Variants in PDE1C observed in about 807,000 individuals in gnomAD.
PDE1C encodes dual specificity calcium/calmodulin-dependent 3',5'-cyclic nucleotide phosphodiesterase 1C.
Under a neutral mutation model 93.1 loss-of-function variants are expected in PDE1C, and 62 were observed. The ratio of observed to expected loss-of-function variants is 0.67; its 90% CI spans 0.54 to 0.82. The LOEUF (loss-of-function observed/expected upper bound fraction) is 0.82. Among genes scored for constraint, PDE1C ranks in the 40% least tolerant of loss-of-function variants. The pLI is 0.00. For synonymous variants in PDE1C, 325 were observed against 310.1 expected (o/e 1.05, Z -0.50); for missense variants, 742 against 884.6 (o/e 0.84, Z 2.04).
At chr7:31,679,322 A>T in the PDE1C span, among the ~76,000 whole-genome samples, 1 of 152,202 alleles carries the variant, frequency 6.6e-6, no homozygotes, top group Non-Finnish European at 1.5e-5. Flanking sequence ...TAGTAATATG[A>T]GGCATGTAAT....
chr7:32,049,250 T>C (rs1020797630), intron 2 of PDE1C, among the ~76,000 whole-genome samples: 3 of 152,206 alleles, frequency 2.0e-5, no homozygotes, highest in East Asian at 1.9e-4. Context: ...GCTCTCACTA[T>C]ATTTAGAAAA....
At chr7:32,416,599 C>A (rs1395401048) in intron 1 of PDE1C, among the ~76,000 whole-genome samples, 1 of 152,144 alleles carries the variant, frequency 6.6e-6, no homozygotes, top group South Asian at 2.1e-4. Context: ...CCCTGCCACC[C>A]ACCCATTCCT....
chr7:32,078,172 T>C (rs963651083), intron 3 of PDE1C, among the ~76,000 whole-genome samples: 26 of 152,204 alleles, frequency 1.7e-4, no homozygotes, highest in African/African-American at 4.3e-4. Context: ...AATTTGAATA[T>C]GGAAAAACCT....
chr7:31,727,442 C>T, the PDE1C span, among the ~76,000 whole-genome samples: 1 of 152,206 alleles, frequency 6.6e-6, no homozygotes, highest in African/African-American at 2.4e-5. Context: ...AGTTATCCTT[C>T]AGGTTCTCCA....
At chr7:32,328,100 A>G (rs1409091164) in intron 1 of PDE1C, among the ~76,000 whole-genome samples, 1 of 152,180 alleles carries the variant, frequency 6.6e-6, no homozygotes, top group African/African-American at 2.4e-5. Flanking sequence ...TGATGTATAT[A>G]TTTATCTTTA....
rs1037007432 is a variant in PDE1C at position 31,751,895 on chromosome 7, C to A, written c.*1489G>T. ...CTCTTTACAATCAAGCCTGGAAGGT[C>A]GAGGCCATCCGGGAACAAACAGCTC... On this transcript the variant is annotated 3_prime_UTR_variant, in exon 18 of 18. Transcript: ENST00000396191. 1 of 152,132 alleles carries A rather than the reference C, an allele frequency of 6.6e-6. No individual in the cohort carries two copies. The highest frequency in any genetic ancestry group is 1.5e-5 in the Non-Finnish European group (1 of 68,050). The allele number at this position is 152,132 out of a possible 1,614,324, so 9.4% of individuals were successfully genotyped here.
At position 32,295,172 on chromosome 7, in the gene PDE1C, T is replaced by C. The variant is rs566032051; in HGVS notation, c.85+3479A>G. On this transcript the variant is annotated intron_variant, in intron 1 of 18. Coordinates refer to the PDE1C transcript ENST00000396193. ...CCCCACCCTGTCCCACATGCAGCAA[T>C]GGTCTCATCTCTTTCTGGTTTTGCT... Among the ~76,000 whole-genome samples, 14 of 152,318 alleles carry C rather than the reference T, an allele frequency of 9.2e-5. 1 individual carries two copies. The South Asian group carries it at 2.9e-3, about 32-fold the overall frequency.
At chr7:32,319,633 C>T (rs562480376) in intron 1 of PDE1C, among the ~76,000 whole-genome samples, 30 of 152,336 alleles carry the variant, frequency 2.0e-4, no homozygotes, top group African/African-American at 7.2e-4. Context: ...CAGTGACTCC[C>T]ACCTTTCAGG....
intron 1 of PDE1C, among the ~76,000 whole-genome samples, chr7:32,384,537 G>T (rs1363470519): frequency 6.6e-6 from 1 of 152,080 alleles, no homozygotes; most frequent in Non-Finnish European, 1.5e-5. Flanking sequence ...CATGTGAAAG[G>T]CCTTGGGTAA....
intron 1 of PDE1C, among the ~76,000 whole-genome samples, chr7:32,210,532 GA>G (rs1805945348): frequency 6.6e-6 from 1 of 152,162 alleles, no homozygotes. Flanking sequence ...GTTTTACAAA[GA>G]ATGAAAGAAG....
In PDE1C at chr7:32,169,485, A is replaced by G. The variant is rs180907203; in HGVS notation, c.308+300T>C. Among the ~76,000 whole-genome samples, 331 of 152,290 alleles carry G rather than the reference A, an allele frequency of 2.2e-3. 2 individuals carry two copies. Among genetic ancestry groups the G allele is most frequent in the African/African-American group, 7.7e-3 (319 of 41,560 alleles). On this transcript the variant is annotated intron_variant, in intron 3 of 18. Transcript: ENST00000396193. ...TGGATGTGTCATCCTCCTTTGAAGC[A>G]AAAGACTCATTAATCCAATTCAAAT...
At chr7:31,880,931 A>G in intron 2 of PDE1C, 71 bp from the exon 3 acceptor site, 1 of 950,820 alleles carries the variant, frequency 1.1e-6, no homozygotes, top group Non-Finnish European at 1.7e-6. Flanking sequence ...CTATGGTGAT[A>G]CATTTTACAG....
chr7:31,855,724 TA>T (rs939232944), intron 7 of PDE1C, among the ~76,000 whole-genome samples: 2 of 80,868 alleles, frequency 2.5e-5, no homozygotes, highest in Non-Finnish European at 5.4e-5. Flanking sequence ...AAAATAAAAA[TA>T]AAAAAATAAA....
At chr7:31,881,230 G>A (rs1435424220) in intron 2 of PDE1C, among the ~76,000 whole-genome samples, 1 of 152,168 alleles carries the variant, frequency 6.6e-6, no homozygotes, top group Admixed American at 6.5e-5. Flanking sequence ...ATTCTGCTCT[G>A]TTGAAGGCAC....
the PDE1C span, among the ~76,000 whole-genome samples, chr7:31,699,712 A>G: frequency 6.6e-6 from 1 of 150,500 alleles, no homozygotes; most frequent in Non-Finnish European, 1.5e-5. Context: ...CAGCAGCACC[A>G]TTTTTTCAAT....
At chr7:32,323,575 CA>C (rs1461083418) in intron 1 of PDE1C, among the ~76,000 whole-genome samples, 1 of 152,168 alleles carries the variant, frequency 6.6e-6, no homozygotes, top group Non-Finnish European at 1.5e-5. Context: ...GTCAGGGTGG[CA>C]TGTTGCCAGC....
chr7:32,071,060 C>T, upstream of PDE1C: 1 of 985,512 alleles, frequency 1.0e-6, no homozygotes, highest in Non-Finnish European at 1.2e-6. Context: ...TGGGCTGTCA[C>T]CGCGGGCGCG....
At chr7:32,421,674 T>C (rs1785434987) in intron 1 of PDE1C, among the ~76,000 whole-genome samples, 1 of 152,198 alleles carries the variant, frequency 6.6e-6, no homozygotes, top group Non-Finnish European at 1.5e-5. Flanking sequence ...GCAAGTGATC[T>C]AGGATAAAGC....
intron 2 of PDE1C, among the ~76,000 whole-genome samples, chr7:32,014,049 T>A (rs972844280): frequency 2.0e-5 from 3 of 152,216 alleles, no homozygotes; most frequent in Non-Finnish European, 4.4e-5. Flanking sequence ...GTTATCCCTG[T>A]CCCATAGACC....
Sources: allele counts gnomAD v4.1 joint callset (sites outside exome capture counted in the v4.1 genomes callset), GRCh38; gene constraint gnomAD v4.1.1; transcripts MANE v1.5; gene names NCBI Gene and HGNC (gene_info 2026-07-23, HGNC 2026-07-21).